Variants in CAPN11 observed in about 807,000 individuals in gnomAD.
CAPN11 encodes calpain 11.
Under a neutral mutation model 105.3 loss-of-function variants are expected in CAPN11, and 108 were observed. The observed-to-expected ratio is 1.03, with a 90% CI of 0.88 to 1.20. The LOEUF is 1.20. Ranked by LOEUF, CAPN11 falls within the 50% of genes most tolerant of loss-of-function variation. The probability of loss-of-function intolerance (pLI) is 0.00; values close to 1 mark genes in which losing one functional copy is unlikely to be tolerated. For missense variants in CAPN11, 883 were observed against 924.8 expected, an observed-to-expected ratio of 0.95 and a Z score of 0.59; for synonymous variants, 329 against 344.5, an observed-to-expected ratio of 0.96 and a Z score of 0.50.
At position 44,180,916 on chromosome 6, in the gene CAPN11, C is replaced by G; in HGVS notation, c.1805-17C>G. 1 of 1,613,050 alleles carries G rather than the reference C, an allele frequency of 6.2e-7. No homozygotes were observed. The highest frequency in any genetic ancestry group is 8.5e-7 in the Non-Finnish European group (1 of 1,179,132). ...ATTTACCCTGTCTCTCCTTTCTACC[C>G]CTTCCCTTCCTCACAGTCAAAAGCT... On this transcript the variant is annotated splice_polypyrimidine_tract_variant and intron_variant, in intron 17 of 22. Transcript: ENST00000398776.
At position 44,180,623 on chromosome 6, in the gene CAPN11, C is replaced by G. The variant is rs747842879; in HGVS notation, c.1707C>G (p.Asp569Glu). 1.2e-6 allele frequency: 2 copies of G among 1,613,730 alleles called. No homozygotes were observed. Among genetic ancestry groups the G allele is most frequent in the Admixed American group, 3.3e-5 (2 of 59,998 alleles). Reference sequence around the variant, plus strand: ...AAAAGGTCTCTGAGGATGACATGGACCAGGACTTCCTACATTTGTTTAAGA... The same window carrying G: ...AAAAGGTCTCTGAGGATGACATGGAGCAGGACTTCCTACATTTGTTTAAGA... Reference protein sequence around the residue: ...QEEKVSEDDMDQDFLHLFKIV... With the variant: ...QEEKVSEDDMEQDFLHLFKIV... Residue 569 changes from aspartate (D) to glutamate (E), a missense_variant, in exon 16 of 23, where the codon GAC (aspartate) becomes GAG (glutamate). Physicochemically the swap from Asp to Glu is conservative, Grantham distance 45. Transcript: ENST00000398776.
chr6:44,165,666 G>T (rs991335517), intron 1 of CAPN11, among the ~76,000 whole-genome samples: 1 of 152,160 alleles, frequency 6.6e-6, no homozygotes, highest in African/African-American at 2.4e-5. Context: ...CTGGGGCACA[G>T]AGCTCAGGAA....
intron 9 of CAPN11, 116 bp downstream of exon 9, chr6:44,176,454 C>A: frequency 2.4e-6 from 3 of 1,273,762 alleles, no homozygotes; most frequent in South Asian, 1.2e-5. Flanking sequence ...AAGCTCCTCC[C>A]TCTAGATTCT....
At chr6:44,181,490 CCACACACA>C (rs373056696) in intron 19 of CAPN11, among the ~76,000 whole-genome samples, 170 bp downstream of exon 19, 1 of 47,810 alleles carries the variant, frequency 2.1e-5, no homozygotes, top group Admixed American at 2.1e-4. Flanking sequence ...CACAACCACA[CCACACACA>C]CACACACACA....
chr6:44,173,836 G>C (rs141337372), intron 7 of CAPN11, among the ~76,000 whole-genome samples: 10 of 152,012 alleles, frequency 6.6e-5, no homozygotes, highest in Non-Finnish European at 1.2e-4. Flanking sequence ...CACCCACCTC[G>C]GCCTCCCATA....
At chr6:44,181,231 C>T (rs1194755380) in intron 18 of CAPN11, 21 bp from the exon 19 acceptor site, 1 of 1,612,026 alleles carries the variant, frequency 6.2e-7, no homozygotes, top group Non-Finnish European at 8.5e-7. Context: ...TCCTTCTCTG[C>T]TGTCCTTGAC....
intron 19 of CAPN11, among the ~76,000 whole-genome samples, 194 bp downstream of exon 19, chr6:44,181,514 A>T (rs1256515719): frequency 9.6e-6 from 1 of 104,228 alleles, no homozygotes; most frequent in Non-Finnish European, 2.2e-5. Flanking sequence ...ACACACTCAC[A>T]TACAGACACA....
chr6:44,182,048 CACACATACAGACACAACCACACCACA>C, intron 19 of CAPN11, among the ~76,000 whole-genome samples: 1 of 30,320 alleles, frequency 3.3e-5, no homozygotes, highest in African/African-American at 4.3e-4. Context: ...ACACCACACA[CACACATACAGACACAACCACACCACA>C]CACACACACA....
chr6:44,172,531 G>T, intron 5 of CAPN11, 111 bp downstream of exon 5: 1 of 676,896 alleles, frequency 1.5e-6, no homozygotes, highest in Non-Finnish European at 2.4e-6. Flanking sequence ...ATTAGGGTGG[G>T]TTTTGGACTA....
At chr6:44,181,059 G>A in intron 18 of CAPN11, 62 bp downstream of exon 18, 2 of 1,441,698 alleles carry the variant, frequency 1.4e-6, no homozygotes, top group Non-Finnish European at 2.0e-6. Context: ...GCCCAGAGAT[G>A]GCCACCCTGG....
intron 1 of CAPN11, among the ~76,000 whole-genome samples, chr6:44,160,331 G>C (rs1410277786): frequency 6.6e-6 from 1 of 151,758 alleles, no homozygotes; most frequent in East Asian, 2.0e-4. Flanking sequence ...AGTTAAAAAC[G>C]ATCTGGCCGG....
At position 44,183,182 on chromosome 6, in the gene CAPN11, T is replaced by C. The variant is rs926486001; in HGVS notation, c.2081T>C (p.Ile694Thr). The change falls in exon 21 of 23, where the codon ATC (isoleucine) becomes ACC (threonine). Residue 694 changes from isoleucine (I) to threonine (T), a missense_variant. Ile to Thr is a moderately conservative substitution (Grantham distance 89). Coordinates refer to ENST00000398776, the MANE Select transcript of CAPN11 (RefSeq NM_007058.4). ...LVARYADDDL[I>T]IDFDSFISCF... ...GCCAGGTATGCAGATGATGACCTGATCATAGACTTTGACAGCTTCATCAGC... is the reference window on the plus strand; with the variant it reads ...GCCAGGTATGCAGATGATGACCTGACCATAGACTTTGACAGCTTCATCAGC... 20 of 1,613,672 alleles carry C rather than the reference T, an allele frequency of 1.2e-5. No homozygotes were observed. In the South Asian group the frequency reaches 2.2e-4, roughly 18 times the overall value.
chr6:44,176,825 C>G lies in CAPN11; in HGVS notation c.1077-13C>G, dbSNP rs758589368. 1 of 1,613,332 alleles carries G rather than the reference C, an allele frequency of 6.2e-7. No homozygotes were observed. The highest frequency in any genetic ancestry group is 8.5e-7 in the Non-Finnish European group (1 of 1,179,680). ...GTGTGCTGCTGACGGGCTCCACCCC[C>G]ACCCCACCACAGGATGTCCTACCAA... On this transcript the variant is annotated splice_polypyrimidine_tract_variant and intron_variant, in intron 10 of 22. Coordinates refer to ENST00000398776, the MANE Select transcript of CAPN11 (RefSeq NM_007058.4).
At chr6:44,179,545 C>A in intron 12 of CAPN11, 74 bp from the exon 13 acceptor site, 1 of 1,303,780 alleles carries the variant, frequency 7.7e-7, no homozygotes, top group Non-Finnish European at 1.1e-6. Flanking sequence ...CTATACACAT[C>A]CCACTTGGCT....
In CAPN11 at chr6:44,178,407, AC is replaced by A. The variant is rs556985977; in HGVS notation, c.1416+989del. Among the ~76,000 whole-genome samples the A allele has an allele frequency of 7.9e-4, 120 of 152,168 alleles. 1 individual carries two copies. The highest frequency in any genetic ancestry group is 2.8e-3 in the African/African-American group (117 of 41,510). On this transcript the variant is annotated intron_variant, in intron 12 of 22. Coordinates refer to ENST00000398776, the MANE Select transcript of CAPN11 (RefSeq NM_007058.4). ...CCCTGATAAGCATTTCCCAAGCCAA[AC>A]CATGCTTTGCAAAATTCTCCACATT...
intron 1 of CAPN11, chr6:44,161,679 G>C (rs538149417): frequency 2.4e-6 from 1 of 421,856 alleles, no homozygotes; most frequent in Non-Finnish European, 4.8e-6. Context: ...GGGACAGAGG[G>C]CTCTGGGGAA....
chr6:44,181,544 C>CAT (rs1773352822), intron 19 of CAPN11, among the ~76,000 whole-genome samples: 1 of 102,982 alleles, frequency 9.7e-6, no homozygotes, highest in Non-Finnish European at 2.1e-5. Flanking sequence ...CACTCACACA[C>CAT]ACACACACTC....
At chr6:44,168,592 T>C (rs1456653250) in intron 2 of CAPN11, among the ~76,000 whole-genome samples, 1 of 151,776 alleles carries the variant, frequency 6.6e-6, no homozygotes, top group African/African-American at 2.4e-5. Context: ...TGTGACTGTC[T>C]TCTTTCATTT....
chr6:44,161,412 C>T (rs757509307), intron 1 of CAPN11, among the ~76,000 whole-genome samples: 8 of 152,142 alleles, frequency 5.3e-5, no homozygotes, highest in Non-Finnish European at 8.8e-5. Flanking sequence ...GTTGGCCAGG[C>T]GGGTCTTGAA....
Sources: gnomAD v4.1 joint callset for allele counts (sites outside exome capture counted in the v4.1 genomes callset) on GRCh38, gnomAD v4.1.1 for gene constraint, MANE v1.5 for transcripts, NCBI Gene and HGNC (gene_info 2026-07-23, HGNC 2026-07-21) for gene names.